The following MMP26 variants were observed in gnomAD, a reference collection of about 807,000 sequenced individuals.
MMP26 encodes the protein matrix metallopeptidase 26.
Under a neutral mutation model 31.0 loss-of-function variants are expected in MMP26, and 33 were observed. The ratio of observed to expected loss-of-function variants is 1.06; its 90% confidence interval spans 0.81 to 1.42. The LOEUF (loss-of-function observed/expected upper bound fraction) is 1.42, where lower values mean the gene tolerates loss of function less well. Ranked by LOEUF, MMP26 falls within the 40% of genes most tolerant of loss-of-function variation. The pLI is 0.00. For synonymous variants in MMP26, 122 were observed against 114.9 expected (o/e 1.06, Z -0.40); for missense variants, 347 against 316.1 (o/e 1.10, Z -0.74).
intron 1 of MMP26, among the ~76,000 whole-genome samples, chr11:4,707,089 A>C (rs1847790620): frequency 6.6e-6 from 1 of 152,232 alleles, no homozygotes. Context: ...CTTTGGATAT[A>C]TACTCAGAGT....
At position 4,870,144 on chromosome 11, in the gene MMP26, C is replaced by G. The variant is rs552223028; in HGVS notation, c.-145+102803C>G. ...GTAAATGACAAGTTAATGGGTGCAG[C>G]ACACTGACATGGCACATGTATACAT... On this transcript the variant is annotated intron_variant, in intron 2 of 7. Transcript: ENST00000380390. Among the ~76,000 whole-genome samples the G allele has an allele frequency of 2.8e-4, 43 of 152,154 alleles. 1 individual carries two copies. The highest frequency in any genetic ancestry group is 9.6e-4 in the African/African-American group (40 of 41,506).
At chr11:4,752,631 A>C (rs1176475736) in intron 1 of MMP26, 2 of 152,356 alleles carry the variant, frequency 1.3e-5, no homozygotes, top group African/African-American at 4.8e-5. Context: ...GGCCATAGCC[A>C]GGAGCACTGA....
chr11:4,961,558 A>T (rs186905310), intron 2 of MMP26, among the ~76,000 whole-genome samples: 1 of 152,222 alleles, frequency 6.6e-6, no homozygotes, highest in Non-Finnish European at 1.5e-5. Context: ...AACCATAAGC[A>T]TCTCCTTAAA....
intron 2 of MMP26, among the ~76,000 whole-genome samples, chr11:4,809,189 C>T (rs1383336995): frequency 6.6e-6 from 1 of 152,152 alleles, no homozygotes; most frequent in Non-Finnish European, 1.5e-5. Flanking sequence ...TTCCCCTCCA[C>T]AGGCTAGAAT....
intron 2 of MMP26, among the ~76,000 whole-genome samples, chr11:4,961,451 T>C (rs1846519826): frequency 6.6e-6 from 1 of 152,136 alleles, no homozygotes; most frequent in Non-Finnish European, 1.5e-5. Context: ...CACGGACACA[T>C]CCAAAATAAT....
intron 2 of MMP26, among the ~76,000 whole-genome samples, chr11:4,976,950 A>T (rs549943160): frequency 2.6e-5 from 4 of 152,170 alleles, no homozygotes; most frequent in Non-Finnish European, 4.4e-5. Context: ...CTACTTGCTT[A>T]TACATGCAAT....
At chr11:4,737,579 G>T (rs1363728787) in intron 1 of MMP26, among the ~76,000 whole-genome samples, 1 of 152,196 alleles carries the variant, frequency 6.6e-6, no homozygotes, top group Non-Finnish European at 1.5e-5. Flanking sequence ...GGAGGCGGAG[G>T]TTGCGGTGAG....
In MMP26 at chr11:4,992,143, A is replaced by T; in HGVS notation, c.757+18A>T. 2 of 1,612,734 alleles carry T rather than the reference A, an allele frequency of 1.2e-6. No individual in the cohort carries two copies. The highest frequency in any genetic ancestry group is 1.7e-6 in the Non-Finnish European group (2 of 1,179,656). ...TTTGTATGGTCTGTGCTGCTTAAGG[A>T]AGAGAAGGGAGATCTGGGCAGGAAA... On this transcript the variant is annotated intron_variant, in intron 7 of 7. Coordinates refer to ENST00000380390, the MANE Select transcript of MMP26 (RefSeq NM_021801.5).
intron 2 of MMP26, chr11:4,876,795 A>T (rs368027770): frequency 2.0e-5 from 3 of 152,756 alleles, no homozygotes; most frequent in African/African-American, 7.2e-5. Flanking sequence ...ACTGTCTTCC[A>T]TGCCTACCAT....
intron 2 of MMP26, chr11:4,946,333 G>C (rs779856238): frequency 6.2e-6 from 10 of 1,613,882 alleles, no homozygotes; most frequent in Admixed American, 5.0e-5. Context: ...CCAGGTTGAT[G>C]ATGGGCAGGT....
At chr11:4,739,285 C>T (rs937034123) in intron 1 of MMP26, among the ~76,000 whole-genome samples, 4 of 152,120 alleles carry the variant, frequency 2.6e-5, no homozygotes, top group East Asian at 1.9e-4. Context: ...TTAACTCCAC[C>T]GGGAAGTGGC....
At chr11:4,783,141 CA>C (rs1848887714) in intron 2 of MMP26, among the ~76,000 whole-genome samples, 1 of 152,196 alleles carries the variant, frequency 6.6e-6, no homozygotes, top group African/African-American at 2.4e-5. Flanking sequence ...ATAGATCCAC[CA>C]GTAGCTTGCA....
intron 1 of MMP26, among the ~76,000 whole-genome samples, chr11:4,716,703 C>T (rs1429052330): frequency 3.0e-5 from 3 of 99,794 alleles, no homozygotes; most frequent in African/African-American, 1.1e-4. Context: ...CTCTTGTTGC[C>T]CAGCCTGGAG....
At chr11:4,840,438 C>G (rs1228231035) in intron 2 of MMP26, among the ~76,000 whole-genome samples, 1 of 152,222 alleles carries the variant, frequency 6.6e-6, no homozygotes, top group African/African-American at 2.4e-5. Flanking sequence ...CACAGGGGTG[C>G]TTGTGTCACC....
chr11:4,921,400 CAAAAT>C (rs1289341545), intron 2 of MMP26, among the ~76,000 whole-genome samples: 1 of 152,098 alleles, frequency 6.6e-6, no homozygotes, highest in Non-Finnish European at 1.5e-5. Flanking sequence ...CAAAACAAAA[CAAAAT>C]AAAATAAAAT....
chr11:4,838,460 T>C (rs2133486661), intron 2 of MMP26, among the ~76,000 whole-genome samples: 1 of 149,568 alleles, frequency 6.7e-6, no homozygotes, highest in South Asian at 2.1e-4. Context: ...GACCTGGAGA[T>C]CAGTCTTTCA....
chr11:4,984,825 T>C (rs989042893), intron 2 of MMP26, among the ~76,000 whole-genome samples: 4 of 152,184 alleles, frequency 2.6e-5, no homozygotes, highest in African/African-American at 7.2e-5. Context: ...ATCAGAGTGA[T>C]TGAGGAACCA....
chr11:4,722,933 A>G, intron 1 of MMP26: 1 of 783,424 alleles, frequency 1.3e-6, no homozygotes, highest in South Asian at 1.3e-5. Flanking sequence ...ACCTGCATAG[A>G]CACTGGTGGT....
chr11:4,729,627 C>T lies in MMP26; in HGVS notation c.-217+24582C>T, dbSNP rs141203026. On this transcript the variant is annotated intron_variant, in intron 1 of 7. Coordinates refer to ENST00000380390, the MANE Select transcript of MMP26 (RefSeq NM_021801.5). ...AGCAGAGTAAAATAGGGGAAATAAA[C>T]GGATTTGAGGGCAAACATGTTCAAG... 3.0e-3 allele frequency among the ~76,000 whole-genome samples: 450 copies of T among 152,210 alleles called. 1 individual carries two copies. Among genetic ancestry groups the T allele is most frequent in the African/African-American group, 0.01 (417 of 41,544 alleles).
Sources: gnomAD v4.1 joint callset for allele counts (sites outside exome capture counted in the v4.1 genomes callset) on GRCh38, gnomAD v4.1.1 for gene constraint, MANE v1.5 for transcripts, NCBI Gene and HGNC (gene_info 2026-07-23, HGNC 2026-07-21) for gene names.